The following FABP4 variants were observed in gnomAD, a reference collection of about 807,000 sequenced individuals.
FABP4 encodes fatty acid-binding protein, adipocyte.
FABP4 carries 17 observed loss-of-function variants against 14.6 expected under a neutral mutation model. The observed-to-expected ratio is 1.16, with a 90% CI of 0.80 to 1.74. The LOEUF (loss-of-function observed/expected upper bound fraction) is 1.74, where lower values mean the gene tolerates loss of function less well. Ranked by LOEUF, FABP4 falls within the 40% of genes most tolerant of loss-of-function variation. The pLI is 0.00. For missense variants in FABP4, 149 were observed against 160.3 expected, an observed-to-expected ratio of 0.93 and a Z score of 0.38; for synonymous variants, 54 against 54.6, an observed-to-expected ratio of 0.99 and a Z score of 0.05.
Position 81,480,545 on chromosome 8 carries a change from T to C in FABP4, c.127A>G (p.Ile43Val), listed in dbSNP as rs749161147. 16 of 1,613,504 alleles carry C rather than the reference T, an allele frequency of 9.9e-6. 1 individual carries two copies. The highest frequency in any genetic ancestry group is 1.1e-5 in the Non-Finnish European group (13 of 1,179,732). ...GTGATCACATCCCCATTCACACTGATGATCATGTTAGGTTTGGCCATGCCA... is the reference window on the plus strand; with the variant it reads ...GTGATCACATCCCCATTCACACTGACGATCATGTTAGGTTTGGCCATGCCA... The part of the protein sequence containing the change: ...VAGMAKPNMI[I>V]SVNGDVITIK... Residue 43 changes from isoleucine to valine, a missense_variant, in exon 2 of 4, where the codon ATC becomes GTC. Physicochemically the swap from Ile to Val is conservative, Grantham distance 29. Transcript: ENST00000256104.
At chr8:81,480,994 G>A (rs1004012202) in intron 1 of FABP4, among the ~76,000 whole-genome samples, 7 of 152,070 alleles carry the variant, frequency 4.6e-5, no homozygotes, top group Non-Finnish European at 2.9e-5. Flanking sequence ...TAAAATACTT[G>A]AGGCTACTTG....
At chr8:81,479,712 T>C (rs1020621051) in intron 2 of FABP4, 197 bp from the exon 3 acceptor site, 8 of 384,772 alleles carry the variant, frequency 2.1e-5, no homozygotes, top group Middle Eastern at 6.6e-4. Flanking sequence ...CAGAGTGTTA[T>C]ACAAATTACA....
At chr8:81,481,730 T>A (rs1261740779) in intron 1 of FABP4, among the ~76,000 whole-genome samples, 1 of 152,182 alleles carries the variant, frequency 6.6e-6, no homozygotes, top group African/African-American at 2.4e-5. Context: ...TTACAAAATA[T>A]AACATTAAAT....
chr8:81,481,227 G>A lies in FABP4; in HGVS notation c.74-629C>T, dbSNP rs188974398. Among the ~76,000 whole-genome samples the A allele has an allele frequency of 2.1e-4, 32 of 152,114 alleles. No individual in the cohort carries two copies. The East Asian group carries it at 5.0e-3, about 24-fold the overall frequency. On this transcript the variant is annotated intron_variant, in intron 1 of 3. Coordinates refer to ENST00000256104, the MANE Select transcript of FABP4 (RefSeq NM_001442.3). ...AAGATTTTCATGAATTTCTACAAAA[G>A]GCAAAATGTTTCCTACATTTATAAC...
chr8:81,480,404 G>T (rs1259997967), intron 2 of FABP4, 22 bp downstream of exon 2: 1 of 1,610,298 alleles, frequency 6.2e-7, no homozygotes, highest in African/African-American at 1.3e-5. Context: ...CATGTACTCT[G>T]TGCCACTTCC....
In FABP4 at chr8:81,479,405, G is replaced by T. The variant is rs1490902033; in HGVS notation, c.348+9C>A. 2 of 1,604,008 alleles carry T rather than the reference G, an allele frequency of 1.2e-6. No individual in the cohort carries two copies. Among genetic ancestry groups the T allele is most frequent in the Non-Finnish European group, 8.5e-7 (1 of 1,171,116 alleles). ...AAGATCCAGAATTAAGTAGCTAGAA[G>T]ATACTCACCACCACCAGTTTATCAT... On this transcript the variant is annotated intron_variant, in intron 3 of 3. Transcript: ENST00000256104.
Position 81,483,125 on chromosome 8 carries a change from C to T in FABP4, c.43G>A (p.Glu15Lys), listed in dbSNP as rs1461646910. The T allele has an allele frequency of 6.2e-7, 1 of 1,609,354 alleles. No individual in the cohort carries two copies. Among genetic ancestry groups the T allele is most frequent in the Non-Finnish European group, 8.5e-7 (1 of 1,177,934 alleles). The change falls in exon 1 of 4, where the codon GAA becomes AAA. Residue 15 changes from glutamate (E) to lysine (K), a missense_variant. By Grantham distance (56) the Glu-to-Lys change is moderately conservative (BLOSUM62 1). Coordinates refer to ENST00000256104, the MANE Select transcript of FABP4 (RefSeq NM_001442.3). ...FVGTWKLVSS[E>K]NFDDYMKEVG... is the part of the protein sequence containing the mutation. ...TCTTTCATATAATCATCAAAGTTTT[C>T]ACTGGAGACAAGTTTCCAGGTACCT...
rs1451849296 is a variant in FABP4, at chr8:81,479,509, T to C, written c.253A>G (p.Ile85Val). ...TADDRKVKST[I>V]TLDGGVLVHV... ...ACCAGGACACCCCCATCTAAGGTTA[T>C]GGTGCTCTGTAGGCATAAGAAAATG... The change falls in exon 3 of 4, where the codon ATA becomes GTA. Residue 85 changes from isoleucine to valine, a missense_variant. Transcript: ENST00000256104. 1 of 1,612,606 alleles carries C rather than the reference T, an allele frequency of 6.2e-7. No homozygotes were observed. Among genetic ancestry groups the C allele is most frequent in the South Asian group, 1.1e-5 (1 of 91,024 alleles).
chr8:81,479,271 A>G (rs1808026508), intron 3 of FABP4, 143 bp downstream of exon 3: 1 of 699,600 alleles, frequency 1.4e-6, no homozygotes. Context: ...TGAAGGGCAA[A>G]TGCCAGAGTG....
intron 1 of FABP4, 55 bp downstream of exon 1, chr8:81,483,039 CT>C: frequency 1.4e-6 from 2 of 1,456,612 alleles, no homozygotes. Flanking sequence ...GCTGTAAACT[CT>C]TTTTCCCAAA....
chr8:81,479,366 G>A (rs1563527615), intron 3 of FABP4, 48 bp downstream of exon 3: 1 of 1,406,762 alleles, frequency 7.1e-7, no homozygotes, highest in South Asian at 1.2e-5. Context: ...GTGATCATGA[G>A]ATAACCTAGC....
intron 1 of FABP4, among the ~76,000 whole-genome samples, chr8:81,482,186 C>T (rs7018409): frequency 0.15 from 23,463 of 151,918 alleles, 1,873 homozygotes; most frequent in Middle Eastern, 0.18. Context: ...GTATAATTTA[C>T]AGGAGGGTTA....
chr8:81,481,350 A>G (rs940505028), intron 1 of FABP4, among the ~76,000 whole-genome samples: 3 of 151,968 alleles, frequency 2.0e-5, no homozygotes, highest in Admixed American at 2.0e-4. Flanking sequence ...ATAAATCACT[A>G]TTTCTTAGTT....
Position 81,480,450 on chromosome 8 carries a change from G to A in FABP4, c.222C>T (p.Val74=). The A allele has an allele frequency of 6.2e-7, 1 of 1,613,592 alleles. No individual in the cohort carries two copies. The part of the protein sequence containing the change: ...SFILGQEFDE[V]TADDRKVKST... ...CCTTGACTTTCCTGTCATCTGCAGT[G>A]ACTTCGTCAAATTCCTGGCCCAGTA... Residue 74 remains valine (V), a synonymous_variant, in exon 2 of 4, where the codon GTC becomes GTT. Coordinates refer to ENST00000256104, the MANE Select transcript of FABP4 (RefSeq NM_001442.3).
At chr8:81,479,608 T>A in intron 2 of FABP4, 93 bp from the exon 3 acceptor site, 1 of 797,804 alleles carries the variant, frequency 1.3e-6, no homozygotes, top group Non-Finnish European at 2.1e-6. Flanking sequence ...TATTTTGAGG[T>A]CATTAGTAAT....
Position 81,480,532 on chromosome 8 carries a change from C to T in FABP4, c.140G>A (p.Gly47Glu), listed in dbSNP as rs2129796501. The T allele has an allele frequency of 1.2e-6, 2 of 1,613,766 alleles. No individual in the cohort carries two copies. The highest frequency in any genetic ancestry group is 1.7e-6 in the Non-Finnish European group (2 of 1,179,822). Residue 47 changes from glycine to glutamate, a missense_variant, in exon 2 of 4, where the codon GGG (glycine) becomes GAG (glutamate). Gly to Glu is a moderately conservative substitution (Grantham distance 98). Coordinates refer to ENST00000256104, the MANE Select transcript of FABP4 (RefSeq NM_001442.3). ...TTCAGATTTAATGGTGATCACATCC[C>T]CATTCACACTGATGATCATGTTAGG... ...AKPNMIISVNGDVITIKSEST... is the reference protein window; with the variant it reads ...AKPNMIISVNEDVITIKSEST...
At position 81,482,807 on chromosome 8, in the gene FABP4, C is replaced by G. The variant is rs941552128; in HGVS notation, c.73+288G>C. Among the ~76,000 whole-genome samples the G allele has an allele frequency of 2.6e-5, 4 of 152,098 alleles. No homozygotes were observed. In the South Asian group the frequency reaches 6.2e-4, roughly 24 times the overall value. ...AAGAGCTAAGTAAACCAAGGATACC[C>G]AAGTTTTTCAAATAAAGTCAAATCT... On this transcript the variant is annotated intron_variant, in intron 1 of 3. Transcript: ENST00000256104.
intron 1 of FABP4, 92 bp downstream of exon 1, chr8:81,483,003 G>C (rs1000773487): frequency 2.1e-6 from 2 of 937,210 alleles, no homozygotes; most frequent in African/African-American, 3.4e-5. Flanking sequence ...TTCTGGCCAG[G>C]GCTTCCAGAC....
chr8:81,479,311 T>G, intron 3 of FABP4, 103 bp downstream of exon 3: 1 of 928,240 alleles, frequency 1.1e-6, no homozygotes. Context: ...ATCCTCTTTT[T>G]GTTTCAGATA....
Sources: allele counts gnomAD v4.1 joint callset (sites outside exome capture counted in the v4.1 genomes callset), GRCh38; gene constraint gnomAD v4.1.1; transcripts MANE v1.5; gene names NCBI Gene and HGNC (gene_info 2026-07-23, HGNC 2026-07-21).